Variants in UGT1A7 observed in about 807,000 individuals in gnomAD.
The protein encoded by UGT1A7 is UDP glucuronosyltransferase family 1 member A7.
In UGT1A7, 33 loss-of-function variants were observed where a neutral mutation model predicts 45.6. The ratio of observed to expected loss-of-function variants is 0.72; its 90% confidence interval spans 0.55 to 0.97. The LOEUF (loss-of-function observed/expected upper bound fraction) is 0.97. UGT1A7 is among the 50% of genes least tolerant of loss of function. The pLI is 0.00. For synonymous variants in UGT1A7, 274 were observed against 250.6 expected, an observed-to-expected ratio of 1.09 and a Z score of -0.88; for missense variants, 684 against 666.2, an observed-to-expected ratio of 1.03 and a Z score of -0.29.
intron 1 of UGT1A7, among the ~76,000 whole-genome samples, chr2:233,705,460 C>A (rs1045270048): frequency 6.6e-6 from 1 of 152,132 alleles, no homozygotes; most frequent in African/African-American, 2.4e-5. Flanking sequence ...TATTTTTTAG[C>A]AGACACACAT....
intron 1 of UGT1A7, among the ~76,000 whole-genome samples, chr2:233,695,496 G>A (rs2075292222): frequency 6.6e-6 from 1 of 151,498 alleles, no homozygotes; most frequent in African/African-American, 2.4e-5. Flanking sequence ...TTCTATCAAA[G>A]TTTTTGGAGT....
chr2:233,750,083 G>A lies in UGT1A7; in HGVS notation c.856-16951G>A, dbSNP rs773064536. ...TGGAACTGGGTAACAGGCAGAGGTT[G>A]GAACAGTTTGGAGAGCTCAGAAGAA... is the stretch of plus-strand genomic sequence containing the variant. On this transcript the variant is annotated intron_variant, in intron 1 of 4. Transcript: ENST00000373426. Among the ~76,000 whole-genome samples the A allele has an allele frequency of 4.8e-4, 73 of 151,992 alleles. 1 individual carries two copies. The highest frequency in any genetic ancestry group is 9.7e-4 in the Non-Finnish European group (66 of 68,038).
At chr2:233,761,149 C>A (rs1575779799) in intron 1 of UGT1A7, 1 of 1,614,176 alleles carries the variant, frequency 6.2e-7, no homozygotes. Context: ...TCCACTATCC[C>A]AGGTGTGTAT....
intron 1 of UGT1A7, among the ~76,000 whole-genome samples, chr2:233,756,539 T>G (rs1346299785): frequency 6.6e-6 from 1 of 152,226 alleles, no homozygotes; most frequent in Non-Finnish European, 1.5e-5. Context: ...TTTTCTTGAC[T>G]GCTAAAACAA....
chr2:233,716,347 A>G (rs553481332), intron 1 of UGT1A7, among the ~76,000 whole-genome samples: 2 of 152,336 alleles, frequency 1.3e-5, no homozygotes, highest in East Asian at 1.9e-4. Flanking sequence ...CGCAACTACA[A>G]TGTAGATACT....
In UGT1A7 at chr2:233,734,701, C is replaced by T. The variant is rs1205669329; in HGVS notation, c.856-32333C>T. On this transcript the variant is annotated intron_variant, in intron 1 of 4. Coordinates refer to ENST00000373426, the MANE Select transcript of UGT1A7 (RefSeq NM_019077.3). ...CTGATTTAAATGTGTCCCAGAGATT[C>T]TGGTATGTTGTGTCTTTGTTCTCGT... Among the ~76,000 whole-genome samples, 1,503 of 152,228 alleles carry T rather than the reference C, an allele frequency of 9.9e-3. 21 individuals carry two copies. The highest frequency in any genetic ancestry group is 0.035 in the African/African-American group (1,434 of 41,552).
At chr2:233,695,871 C>T (rs182203911) in intron 1 of UGT1A7, among the ~76,000 whole-genome samples, 133 of 152,210 alleles carry the variant, frequency 8.7e-4, no homozygotes, top group Non-Finnish European at 1.8e-3. Flanking sequence ...CAACAAACAA[C>T]GCAGAAAACT....
chr2:233,749,416 T>G (rs1694186669), intron 1 of UGT1A7, among the ~76,000 whole-genome samples: 1 of 151,944 alleles, frequency 6.6e-6, no homozygotes, highest in Non-Finnish European at 1.5e-5. Context: ...GTTAACTACA[T>G]TGCTCAAAAC....
At chr2:233,713,875 T>G (rs1454259266) in intron 1 of UGT1A7, 1 of 1,613,754 alleles carries the variant, frequency 6.2e-7, no homozygotes, top group Admixed American at 1.7e-5. Context: ...ATTGGTGCCT[T>G]TATCCAATCA....
chr2:233,759,624 A>G (rs1433114385), intron 1 of UGT1A7, among the ~76,000 whole-genome samples: 1 of 80,994 alleles, frequency 1.2e-5, no homozygotes, highest in Non-Finnish European at 2.2e-5. Context: ...CCACCTGTTC[A>G]TTTCCTTCTT....
chr2:233,729,412 C>T, intron 1 of UGT1A7: 2 of 1,613,700 alleles, frequency 1.2e-6, no homozygotes, highest in Non-Finnish European at 1.7e-6. Flanking sequence ...TGTGCTGGGC[C>T]ACACTCAACT....
chr2:233,714,888 A>G (rs529971847), intron 1 of UGT1A7, among the ~76,000 whole-genome samples: 65 of 151,904 alleles, frequency 4.3e-4, no homozygotes, highest in Admixed American at 3.0e-3. Context: ...AAATTTTTCT[A>G]TCTTTTGAGA....
At chr2:233,748,890 T>C (rs1434847115) in intron 1 of UGT1A7, among the ~76,000 whole-genome samples, 1 of 151,534 alleles carries the variant, frequency 6.6e-6, no homozygotes, top group African/African-American at 2.4e-5. Flanking sequence ...TGGACATGTG[T>C]CCAAGAAGGG....
intron 1 of UGT1A7, among the ~76,000 whole-genome samples, chr2:233,701,178 A>G (rs961911263): frequency 7.9e-5 from 12 of 152,194 alleles, no homozygotes; most frequent in African/African-American, 2.7e-4. Flanking sequence ...CGTTATAAAC[A>G]TACATGTGCA....
intron 1 of UGT1A7, chr2:233,690,437 T>C (rs2074990213): frequency 7.9e-7 from 1 of 1,273,856 alleles, no homozygotes; most frequent in African/African-American, 1.5e-5. Context: ...TCTTTGGGTC[T>C]CTCCTCTATT....
chr2:233,709,753 T>A (rs1405121833), intron 1 of UGT1A7, among the ~76,000 whole-genome samples: 1 of 152,244 alleles, frequency 6.6e-6, no homozygotes, highest in Non-Finnish European at 1.5e-5. Context: ...ATAAACATTA[T>A]TGGAGTATTA....
chr2:233,717,831 A>C (rs1289598238), intron 1 of UGT1A7: 1 of 455,268 alleles, frequency 2.2e-6, no homozygotes, highest in Non-Finnish European at 4.4e-6. Flanking sequence ...TCTGTTCTGG[A>C]GGAACCATTC....
intron 1 of UGT1A7, among the ~76,000 whole-genome samples, chr2:233,718,481 T>C (rs1310649637): frequency 1.3e-5 from 2 of 152,114 alleles, no homozygotes; most frequent in Non-Finnish European, 2.9e-5. Context: ...CTGATAAATA[T>C]GGTTAACAGA....
At chr2:233,685,023 A>G (rs937971541) in intron 1 of UGT1A7, among the ~76,000 whole-genome samples, 2 of 152,104 alleles carry the variant, frequency 1.3e-5, no homozygotes, top group Non-Finnish European at 2.9e-5. Flanking sequence ...ATGTGTCTGT[A>G]TGTGCAGGTG....
Sources: allele counts gnomAD v4.1 joint callset (sites outside exome capture counted in the v4.1 genomes callset), GRCh38; gene constraint gnomAD v4.1.1; transcripts MANE v1.5; gene names NCBI Gene and HGNC (gene_info 2026-07-23, HGNC 2026-07-21).